The following GNLY variants were observed in gnomAD, a reference collection of about 807,000 sequenced individuals.
GNLY encodes granulysin.
In GNLY, 15 loss-of-function variants were observed where a neutral mutation model predicts 18.5. That is an observed-to-expected ratio of 0.81 (90% confidence interval 0.54 to 1.25). The LOEUF (loss-of-function observed/expected upper bound fraction) is 1.25, where lower values mean the gene tolerates loss of function less well. Ranked by LOEUF, GNLY falls within the 50% of genes most tolerant of loss-of-function variation. The pLI is 0.00. For missense variants in GNLY, 178 were observed against 186.9 expected (o/e 0.95, Z 0.28); for synonymous variants, 77 against 74.9 (o/e 1.03, Z -0.14).
At chr2:85,696,079 C>A (rs759843973) in intron 3 of GNLY, 23 bp downstream of exon 3, 22 of 1,339,812 alleles carry the variant, frequency 1.6e-5, no homozygotes, top group Admixed American at 3.5e-5. Flanking sequence ...GGCTACAGAG[C>A]CTCCTGTCTG....
intron 2 of GNLY, 23 bp from the exon 3 acceptor site, chr2:85,695,935 A>G (rs746623967): frequency 2.1e-6 from 3 of 1,435,824 alleles, no homozygotes; most frequent in South Asian, 2.3e-5. Context: ...AGAGACCATC[A>G]TAAGGGCTTT....
intron 1 of GNLY, 198 bp downstream of exon 1, chr2:85,694,668 C>T: frequency 8.1e-7 from 1 of 1,235,262 alleles, no homozygotes; most frequent in Admixed American, 2.7e-5. Flanking sequence ...ACTGGCCTGG[C>T]CAAGGAGGAG....
intron 1 of GNLY, chr2:85,694,873 T>A: frequency 1.9e-6 from 3 of 1,540,948 alleles, no homozygotes; most frequent in Non-Finnish European, 2.6e-6. Flanking sequence ...CTCTTCTGTG[T>A]TCAAGGCAGA....
intron 4 of GNLY, among the ~76,000 whole-genome samples, 166 bp downstream of exon 4, chr2:85,697,843 C>T (rs1359604829): frequency 6.6e-6 from 1 of 152,230 alleles, no homozygotes; most frequent in African/African-American, 2.4e-5. Context: ...CTGATTAGAG[C>T]TTGGGCTTCA....
chr2:85,694,530 G>A, intron 1 of GNLY, 60 bp downstream of exon 1: 2 of 1,537,690 alleles, frequency 1.3e-6, no homozygotes, highest in South Asian at 2.2e-5. Context: ...CTCTCAGGCT[G>A]GCTGAACCTG....
intron 1 of GNLY, 172 bp downstream of exon 1, chr2:85,694,642 T>G (rs569660986): frequency 1.8e-6 from 2 of 1,082,996 alleles, no homozygotes; most frequent in African/African-American, 1.6e-5. Flanking sequence ...TAGTCCAGTG[T>G]GCTGCCCAGC....
intron 1 of GNLY, chr2:85,694,696 TG>T: frequency 7.2e-7 from 1 of 1,385,642 alleles, no homozygotes; most frequent in Non-Finnish European, 9.5e-7. Context: ...CCAGGGATTC[TG>T]GTCCTAACTC....
At chr2:85,697,823 T>C (rs575038509) in intron 4 of GNLY, 146 bp downstream of exon 4, 25 of 640,378 alleles carry the variant, frequency 3.9e-5, no homozygotes, top group African/African-American at 3.8e-4. Context: ...CTAGAAATGT[T>C]TGAGAAATAC....
rs1268192943 is a variant in GNLY, at chr2:85,695,995, A to G, written c.194A>G (p.Asp65Gly). 6.8e-6 allele frequency: 11 copies of G among 1,612,720 alleles called. No homozygotes were observed. The highest frequency in any genetic ancestry group is 5.3e-5 in the African/African-American group (4 of 74,998). Residue 65 changes from aspartate (D) to glycine (G), a missense_variant, in exon 3 of 5, where the codon GAC becomes GGC. Physicochemically the swap from Asp to Gly is moderately conservative, Grantham distance 94. Coordinates refer to ENST00000263863, the MANE Select transcript of GNLY (RefSeq NM_006433.5). ...LLTKTQELGR[D>G]YRTCLTIVQK... is the part of the protein sequence containing the mutation. The stretch of plus-strand genomic sequence containing the variant: ...ACCAAAACACAGGAGCTGGGCCGTG[A>G]CTACAGGACCTGTCTGACGATAGTC...
intron 3 of GNLY, chr2:85,696,747 C>T (rs1678467917): frequency 6.6e-6 from 1 of 152,528 alleles, no homozygotes; most frequent in Non-Finnish European, 1.5e-5. Context: ...CTGTGTTGCC[C>T]AGGCTGGTCT....
At chr2:85,695,507 C>G in intron 2 of GNLY, 84 bp downstream of exon 2, 1 of 789,578 alleles carries the variant, frequency 1.3e-6, no homozygotes, top group South Asian at 1.4e-5. Context: ...GTCTGGAGCT[C>G]TCTAATGGTC....
In GNLY at chr2:85,694,455, C is replaced by T. The variant is rs1297102932; in HGVS notation, c.37C>T (p.Leu13Phe). Residue 13 changes from leucine (L) to phenylalanine (F), a missense_variant, in exon 1 of 5, where the codon CTC becomes TTC. Transcript: ENST00000263863. ...TWALLLLAAM[L>F]LGNPGLVFSR... Reference sequence around the variant, plus strand: ...GGCCCTCCTGCTCCTTGCAGCCATGCTCCTGGGCAACCCAGGTAAGGCCTT... The same window carrying T: ...GGCCCTCCTGCTCCTTGCAGCCATGTTCCTGGGCAACCCAGGTAAGGCCTT... 2 of 1,614,012 alleles carry T rather than the reference C, an allele frequency of 1.2e-6. No individual in the cohort carries two copies. The highest frequency in any genetic ancestry group is 2.7e-5 in the African/African-American group (2 of 74,954).
In GNLY at chr2:85,695,309, G is replaced by A. The variant is rs538989463; in HGVS notation, c.53-11G>A. The A allele has an allele frequency of 6.3e-7, 1 of 1,579,608 alleles. No homozygotes were observed. Among genetic ancestry groups the A allele is most frequent in the Non-Finnish European group, 8.7e-7 (1 of 1,148,468 alleles). ...CCTGCGGAGGGGAAGCTGAAGTCTG[G>A]TCTTCCTCAGGTCTGGTCTTCTCTC... On this transcript the variant is annotated splice_polypyrimidine_tract_variant and intron_variant, in intron 1 of 4. Coordinates refer to ENST00000263863, the MANE Select transcript of GNLY (RefSeq NM_006433.5).
rs775977175 is a variant in GNLY, at chr2:85,697,543, C to T, written c.293C>T (p.Thr98Met). 119 of 1,612,926 alleles carry T rather than the reference C, an allele frequency of 7.4e-5. No homozygotes were observed. Among genetic ancestry groups the T allele is most frequent in the Admixed American group, 5.3e-4 (32 of 60,030 alleles). Residue 98 changes from threonine to methionine, a missense_variant, in exon 4 of 5, where the codon ACG becomes ATG. Transcript: ENST00000263863. ...VSNAATRVCR[T>M]GRSRWRDVCR... Reference sequence around the variant, plus strand: ...AATGCTGCGACCCGGGTGTGTAGGACGGGGAGGTCACGATGGCGCGACGTC... The same window carrying T: ...AATGCTGCGACCCGGGTGTGTAGGATGGGGAGGTCACGATGGCGCGACGTC...
At position 85,695,002 on chromosome 2, in the gene GNLY, A is replaced by T. The variant is rs532900717; in HGVS notation, c.53-318A>T. 3.8e-6 allele frequency: 6 copies of T among 1,590,786 alleles called. No homozygotes were observed. In the East Asian group the frequency reaches 1.4e-4, roughly 36 times the overall value. On this transcript the variant is annotated intron_variant, in intron 1 of 4. Transcript: ENST00000263863. The stretch of plus-strand genomic sequence containing the variant: ...CTGGGCCATCTGGATGGAAGGTAAA[A>T]AAAGAAAATCCCTTGAAAGGAGATT...
intron 3 of GNLY, 171 bp from the exon 4 acceptor site, chr2:85,697,335 G>A: frequency 1.6e-6 from 1 of 622,100 alleles, no homozygotes; most frequent in East Asian, 2.8e-5. Flanking sequence ...AGGCCTTGGG[G>A]ACTGGGAGTA....
chr2:85,694,727 C>T (rs2104442252), intron 1 of GNLY: 1 of 1,437,092 alleles, frequency 7.0e-7, no homozygotes. Flanking sequence ...CACTGTGTGG[C>T]CTGAGACCCC....
At chr2:85,694,560 AC>A in intron 1 of GNLY, 90 bp downstream of exon 1, 1 of 1,343,808 alleles carries the variant, frequency 7.4e-7, no homozygotes, top group Non-Finnish European at 1.0e-6. Flanking sequence ...CTCTGTGGGC[AC>A]CCAGGTGCCC....
At chr2:85,694,659 C>T in intron 1 of GNLY, 189 bp downstream of exon 1, 1 of 1,180,156 alleles carries the variant, frequency 8.5e-7, no homozygotes, top group Non-Finnish European at 1.2e-6. Context: ...CAGCCTGTCA[C>T]TGGCCTGGCC....
Sources: allele counts gnomAD v4.1 joint callset (sites outside exome capture counted in the v4.1 genomes callset), GRCh38; gene constraint gnomAD v4.1.1; transcripts MANE v1.5; gene names NCBI Gene and HGNC (gene_info 2026-07-23, HGNC 2026-07-21).